RAPGEF6: variants seen among roughly 807,000 people sequenced by gnomAD.
RAPGEF6 encodes Rap guanine nucleotide exchange factor 6, also known as PDZ domain containing guanine nucleotide exchange factor (GEF) 2.
A neutral mutation model predicts 171.4 loss-of-function variants in RAPGEF6; 56 were observed. The ratio of observed to expected loss-of-function variants is 0.33; its 90% CI spans 0.26 to 0.41. The LOEUF is 0.41. Among genes scored for constraint, RAPGEF6 ranks in the 10% least tolerant of loss-of-function variants. The probability of loss-of-function intolerance (pLI) is 1.00; values close to 1 mark genes in which losing one functional copy is unlikely to be tolerated. For synonymous variants in RAPGEF6, 692 were observed against 650.1 expected (o/e 1.06, Z -0.98); for missense variants, 1,674 against 1,921.4 (o/e 0.87, Z 2.41).
intron 21 of RAPGEF6, among the ~76,000 whole-genome samples, chr5:131,448,821 G>T (rs1323893896): frequency 3.9e-5 from 6 of 152,078 alleles, no homozygotes; most frequent in African/African-American, 1.4e-4. Context: ...CCCACTAAAA[G>T]ATATTGTCCA....
chr5:131,433,578 C>A lies in RAPGEF6; in HGVS notation c.3826G>T (p.Val1276Leu). The change falls in exon 25 of 28, where the codon GTG becomes TTG. Residue 1276 changes from valine to leucine, a missense_variant. Val to Leu is a conservative substitution (Grantham distance 32). Around this residue, in one of 3 missense-constraint regions of RAPGEF6, gnomAD observed 552 missense variants for 574.2 expected, o/e 0.96. Transcript: ENST00000509018. The stretch of plus-strand genomic sequence containing the variant: ...ATGGAGTCAACAGAACAATTGCTCA[C>A]GATGCTGGACCGTGAAGAAATCTCA... The part of the protein sequence containing the change: ...HSEISSRSSI[V>L]SNCSVDSMSA... 1 of 1,613,746 alleles carries A rather than the reference C, an allele frequency of 6.2e-7. No individual in the cohort carries two copies. The highest frequency in any genetic ancestry group is 8.5e-7 in the Non-Finnish European group (1 of 1,179,714).
chr5:131,559,459 T>C (rs778248141), intron 5 of RAPGEF6, among the ~76,000 whole-genome samples: 8 of 152,236 alleles, frequency 5.3e-5, no homozygotes, highest in Non-Finnish European at 7.3e-5. Flanking sequence ...CAGGATTGTG[T>C]AACCTTGATA....
intron 5 of RAPGEF6, among the ~76,000 whole-genome samples, chr5:131,552,257 G>C (rs958563130): frequency 6.6e-6 from 1 of 151,652 alleles, no homozygotes; most frequent in Admixed American, 6.6e-5. Context: ...AAGAAAACTT[G>C]CCTGGCACTG....
intron 17 of RAPGEF6, among the ~76,000 whole-genome samples, chr5:131,471,893 G>A (rs1297179584): frequency 1.3e-5 from 2 of 152,032 alleles, no homozygotes; most frequent in Non-Finnish European, 2.9e-5. Flanking sequence ...ACACTTTTCT[G>A]TGTATTATAG....
intron 4 of RAPGEF6, among the ~76,000 whole-genome samples, chr5:131,582,337 A>G (rs562774933): frequency 9.4e-4 from 143 of 152,388 alleles, no homozygotes; most frequent in African/African-American, 3.4e-3. Context: ...GGCAATCCAG[A>G]AGAGAAAAAA....
At chr5:131,583,066 A>T (rs772823692) in intron 4 of RAPGEF6, among the ~76,000 whole-genome samples, 2 of 152,216 alleles carry the variant, frequency 1.3e-5, no homozygotes, top group Admixed American at 6.5e-5. Context: ...CATTCTTTGC[A>T]AAATAGTCAA....
At chr5:131,579,833 T>C (rs1351485380) in intron 4 of RAPGEF6, among the ~76,000 whole-genome samples, 2 of 152,176 alleles carry the variant, frequency 1.3e-5, no homozygotes, top group African/African-American at 2.4e-5. Context: ...CCCACTAGAT[T>C]AGCTAGATAC....
At chr5:131,531,465 C>T (rs532306720) in intron 6 of RAPGEF6, among the ~76,000 whole-genome samples, 1 of 152,134 alleles carries the variant, frequency 6.6e-6, no homozygotes, top group East Asian at 1.9e-4. Flanking sequence ...TAGCACTTTG[C>T]TTTTTTGTGA....
rs1471856680 is a variant in RAPGEF6, at chr5:131,548,164, A to G, written c.378T>C (p.Asp126=). The part of the protein sequence containing the change: ...IVVENAKDNE[D]SILQREIPAR... ...CAGGAATTTCTCTTTGTAGAATACT[A>G]TCTTCATTATCTTTGGCATTCTCTA... is the stretch of plus-strand genomic sequence containing the variant. The change falls in exon 6 of 28, where the codon GAT becomes GAC. Residue 126 remains aspartate, a synonymous_variant. Coordinates refer to ENST00000509018, the MANE Select transcript of RAPGEF6 (RefSeq NM_016340.6). The G allele has an allele frequency of 6.2e-7, 1 of 1,613,690 alleles. No homozygotes were observed.
At chr5:131,587,980 G>A (rs1763357359) in intron 4 of RAPGEF6, among the ~76,000 whole-genome samples, 1 of 151,880 alleles carries the variant, frequency 6.6e-6, no homozygotes, top group African/African-American at 2.4e-5. Context: ...AAATCATGAG[G>A]GAGCAATGTA....
chr5:131,603,147 T>C, intron 3 of RAPGEF6, 124 bp downstream of exon 3: 2 of 732,704 alleles, frequency 2.7e-6, no homozygotes, highest in South Asian at 1.8e-5. Context: ...ATATACTTCA[T>C]GGTCTATGAA....
intron 16 of RAPGEF6, among the ~76,000 whole-genome samples, chr5:131,477,583 C>T (rs10054414): frequency 0.077 from 11,755 of 152,178 alleles, 1,133 homozygotes; most frequent in African/African-American, 0.23. Flanking sequence ...AGACAGAATT[C>T]AGGTACAGTA....
chr5:131,622,394 T>C (rs1208369881), intron 1 of RAPGEF6, among the ~76,000 whole-genome samples: 1 of 152,222 alleles, frequency 6.6e-6, no homozygotes, highest in African/African-American at 2.4e-5. Flanking sequence ...AGACTGACTG[T>C]GAACTCTATA....
At chr5:131,531,367 T>G (rs901792955) in intron 6 of RAPGEF6, among the ~76,000 whole-genome samples, 1 of 152,222 alleles carries the variant, frequency 6.6e-6, no homozygotes, top group Non-Finnish European at 1.5e-5. Flanking sequence ...TGGCATCAAA[T>G]TACAGACTAT....
chr5:131,463,773 A>G (rs1754119964), intron 18 of RAPGEF6: 2 of 1,065,022 alleles, frequency 1.9e-6, no homozygotes, highest in Non-Finnish European at 2.3e-6. Context: ...ATTAAAAACA[A>G]ATTTATAAAT....
chr5:131,574,806 C>A (rs1762513355), intron 4 of RAPGEF6, among the ~76,000 whole-genome samples: 1 of 152,032 alleles, frequency 6.6e-6, no homozygotes, highest in South Asian at 2.1e-4. Context: ...CAATCAGGCA[C>A]CCCTTACCAT....
intron 11 of RAPGEF6, among the ~76,000 whole-genome samples, chr5:131,501,875 G>T (rs1757048571): frequency 6.6e-6 from 1 of 152,102 alleles, no homozygotes; most frequent in South Asian, 2.1e-4. Flanking sequence ...AGTTATAGAT[G>T]TGTATGTGTT....
chr5:131,580,570 G>A lies in RAPGEF6; in HGVS notation c.281+11813C>T, dbSNP rs942106242. 3.3e-5 allele frequency among the ~76,000 whole-genome samples: 5 copies of A among 152,332 alleles called. No individual in the cohort carries two copies. In the East Asian group the frequency reaches 5.8e-4, roughly 18 times the overall value. Reference sequence around the variant, plus strand: ...GAGAGCGAGAGAGGGCCGCCAGCACGTTGTCACCTCTCACGGTGAATAGCA... The same window carrying A: ...GAGAGCGAGAGAGGGCCGCCAGCACATTGTCACCTCTCACGGTGAATAGCA... On this transcript the variant is annotated intron_variant, in intron 4 of 27. Transcript: ENST00000509018.
At chr5:131,435,769 T>C (rs868476776) in intron 24 of RAPGEF6, 7 of 1,224,854 alleles carry the variant, frequency 5.7e-6, no homozygotes, top group Middle Eastern at 2.9e-4. Flanking sequence ...AACAAGAGTA[T>C]AAAATTTACT....
Sources: allele counts gnomAD v4.1 joint callset (sites outside exome capture counted in the v4.1 genomes callset), GRCh38; gene constraint gnomAD v4.1.1; regional missense constraint gnomAD v4.1.1; transcripts MANE v1.5; gene names NCBI Gene and HGNC (gene_info 2026-07-23, HGNC 2026-07-21).